Variants in LINGO1 observed in about 807,000 individuals in gnomAD.
LINGO1 encodes leucine-rich repeat and immunoglobulin-like domain-containing nogo receptor-interacting protein 1.
LINGO1 carries 11 observed loss-of-function variants against 37.3 expected under a neutral mutation model. The observed-to-expected ratio is 0.29, with a 90% CI of 0.19 to 0.49. The LOEUF is 0.49. Ranked by LOEUF, LINGO1 falls within the 20% of genes least tolerant of loss-of-function variation. LINGO1 has a pLI of 0.99. For missense variants in LINGO1, 585 were observed against 878.2 expected, an observed-to-expected ratio of 0.67 and a Z score of 4.22; for synonymous variants, 387 against 403.0, an observed-to-expected ratio of 0.96 and a Z score of 0.48.
intron 1 of LINGO1, among the ~76,000 whole-genome samples, chr15:77,810,259 T>C (rs1464542282): frequency 1.9e-5 from 2 of 105,070 alleles, no homozygotes; most frequent in African/African-American, 2.9e-5. Context: ...CGCATACACA[T>C]GCACACACTC....
At chr15:77,812,646 C>T (rs1290518915) in intron 1 of LINGO1, among the ~76,000 whole-genome samples, 2 of 151,056 alleles carry the variant, frequency 1.3e-5, no homozygotes, top group Non-Finnish European at 3.0e-5. Flanking sequence ...GCCATGATTG[C>T]AATCTCCCAG....
At chr15:77,636,472 T>C (rs575439789), upstream of LINGO1, among the ~76,000 whole-genome samples, 3 of 150,852 alleles carry the variant, frequency 2.0e-5, no homozygotes, top group East Asian at 5.9e-4. Flanking sequence ...TGGAGGTGAG[T>C]GGGGGTTGGG....
chr15:77,745,703 A>C (rs1395195476), intron 1 of LINGO1, among the ~76,000 whole-genome samples: 1 of 152,128 alleles, frequency 6.6e-6, no homozygotes, highest in African/African-American at 2.4e-5. Flanking sequence ...TCTCTTCCTC[A>C]CAACCCTGGC....
chr15:77,766,005 G>A (rs779530158), intron 1 of LINGO1, among the ~76,000 whole-genome samples: 6 of 152,218 alleles, frequency 3.9e-5, no homozygotes, highest in Non-Finnish European at 7.3e-5. Flanking sequence ...TTCAGGGCTA[G>A]AGAATGGAGC....
At chr15:77,650,045 C>T (rs1404168277) in intron 3 of LINGO1, among the ~76,000 whole-genome samples, 1 of 152,222 alleles carries the variant, frequency 6.6e-6, no homozygotes, top group Non-Finnish European at 1.5e-5. Context: ...TGATAAATAC[C>T]ACCCACACAT....
intron 2 of LINGO1, among the ~76,000 whole-genome samples, chr15:77,711,403 T>C (rs2075916532): frequency 6.6e-6 from 1 of 152,224 alleles, no homozygotes; most frequent in African/African-American, 2.4e-5. Flanking sequence ...TTTGACACTC[T>C]GGGGGCCACA....
At chr15:77,782,681 A>G (rs4886915) in intron 1 of LINGO1, among the ~76,000 whole-genome samples, 86,304 of 149,946 alleles carry the variant, frequency 0.58, 24,908 homozygotes, top group South Asian at 0.62. Flanking sequence ...CCCACCCCAT[A>G]GCCACTCTCC....
chr15:77,667,039 G>A (rs961979349), intron 3 of LINGO1: 3 of 152,402 alleles, frequency 2.0e-5, no homozygotes, highest in African/African-American at 7.2e-5. Context: ...ACTGACCCAA[G>A]AATTCTCTGG....
chr15:77,777,465 G>GCA (rs112112009), intron 1 of LINGO1, among the ~76,000 whole-genome samples: 8,544 of 139,788 alleles, frequency 0.061, 330 homozygotes, highest in Non-Finnish European at 0.081. Context: ...ATACACACAC[G>GCA]CACACACACA....
intron 1 of LINGO1, among the ~76,000 whole-genome samples, chr15:77,799,804 TC>T: frequency 6.9e-6 from 1 of 144,226 alleles, no homozygotes; most frequent in East Asian, 2.0e-4. Flanking sequence ...TGTTTTGTTT[TC>T]TTTTTTTTTG....
chr15:77,787,571 G>T (rs1267597244), upstream of LINGO1, among the ~76,000 whole-genome samples: 7 of 151,672 alleles, frequency 4.6e-5, no homozygotes, highest in Non-Finnish European at 1.0e-4. Context: ...GGGCTGTGGG[G>T]GGTGGGGGTG....
chr15:77,657,348 G>A (rs2074887623), intron 3 of LINGO1, among the ~76,000 whole-genome samples: 1 of 151,914 alleles, frequency 6.6e-6, no homozygotes, highest in African/African-American at 2.4e-5. Flanking sequence ...GGGGGTGGGG[G>A]AACGCAAGCC....
intron 2 of LINGO1, among the ~76,000 whole-genome samples, chr15:77,677,787 T>C (rs2141219750): frequency 6.6e-6 from 1 of 152,186 alleles, no homozygotes; most frequent in South Asian, 2.1e-4. Context: ...ATCCTAGACA[T>C]GGCCACAGGT....
At chr15:77,749,470 G>C (rs569059652) in intron 1 of LINGO1, among the ~76,000 whole-genome samples, 1 of 152,338 alleles carries the variant, frequency 6.6e-6, no homozygotes, top group East Asian at 1.9e-4. Flanking sequence ...TCACAGCCCT[G>C]GTAAGAAAAC....
intron 1 of LINGO1, among the ~76,000 whole-genome samples, chr15:77,748,297 G>A (rs979034200): frequency 6.6e-6 from 1 of 152,242 alleles, no homozygotes; most frequent in Non-Finnish European, 1.5e-5. Flanking sequence ...TTTGCCAGTG[G>A]GCAAAGGAAC....
At chr15:77,712,819 C>T (rs2075935356) in intron 2 of LINGO1, among the ~76,000 whole-genome samples, 1 of 152,202 alleles carries the variant, frequency 6.6e-6, no homozygotes, top group African/African-American at 2.4e-5. Context: ...GATGAGGGGT[C>T]TCGCTGCTGT....
intron 3 of LINGO1, among the ~76,000 whole-genome samples, chr15:77,665,989 G>C (rs1208991197): frequency 6.6e-6 from 1 of 152,232 alleles, no homozygotes; most frequent in Non-Finnish European, 1.5e-5. Context: ...CCCTGGCTAT[G>C]CTTCCCCACC....
intron 3 of LINGO1, among the ~76,000 whole-genome samples, chr15:77,667,426 G>C (rs1243213589): frequency 6.6e-6 from 1 of 152,186 alleles, no homozygotes; most frequent in Non-Finnish European, 1.5e-5. Flanking sequence ...AGGGGCGAGG[G>C]GCCATGGAGT....
chr15:77,664,955 C>T (rs185918039), intron 3 of LINGO1, among the ~76,000 whole-genome samples: 123 of 152,326 alleles, frequency 8.1e-4, no homozygotes, highest in Non-Finnish European at 1.6e-4. Context: ...ATATGACACA[C>T]ATACAGAGAT....
Sources: allele counts gnomAD v4.1 joint callset (sites outside exome capture counted in the v4.1 genomes callset), GRCh38; gene constraint gnomAD v4.1.1; transcripts MANE v1.5; gene names NCBI Gene and HGNC (gene_info 2026-07-23, HGNC 2026-07-21).